The following NT5C3A variants were observed in gnomAD, a reference collection of about 807,000 sequenced individuals.
The protein encoded by NT5C3A is cytosolic 5'-nucleotidase 3A.
In NT5C3A, 23 loss-of-function variants were observed where a neutral mutation model predicts 40.0. The ratio of observed to expected loss-of-function variants is 0.58; its 90% confidence interval spans 0.41 to 0.81. The LOEUF is 0.81. Ranked by LOEUF, NT5C3A falls within the 40% of genes least tolerant of loss-of-function variation. The pLI is 0.00. For missense variants in NT5C3A, 328 were observed against 403.0 expected (o/e 0.81, Z 1.59); for synonymous variants, 130 against 141.4 (o/e 0.92, Z 0.57).
intron 1 of NT5C3A, among the ~76,000 whole-genome samples, chr7:33,052,634 A>T (rs897340817): frequency 1.3e-5 from 2 of 151,914 alleles, no homozygotes; most frequent in African/African-American, 4.8e-5. Flanking sequence ...CTATATCCTC[A>T]TCACTCTCTC....
chr7:33,019,930 C>T lies in NT5C3A; in HGVS notation c.441-206G>A, dbSNP rs1254442827. On this transcript the variant is annotated intron_variant, in intron 5 of 8. Coordinates refer to ENST00000610140, the MANE Select transcript of NT5C3A (RefSeq NM_001002010.5). ...TTCTTACTGAGTTTCCCAGTCCTCC[C>T]AAACCCAGACTTAGCTTAAATATGT... Among the ~76,000 whole-genome samples, 3 of 152,248 alleles carry T rather than the reference C, an allele frequency of 2.0e-5. No homozygotes were observed. The East Asian group carries it at 5.8e-4, about 29-fold the overall frequency.
Position 33,034,916 on chromosome 7 carries a change from T to A in NT5C3A, c.139-8001A>T, listed in dbSNP as rs79320487. Among the ~76,000 whole-genome samples the A allele has an allele frequency of 3.2e-3, 490 of 152,342 alleles. 1 individual carries two copies. Among genetic ancestry groups the A allele is most frequent in the African/African-American group, 0.011 (478 of 41,570 alleles). On this transcript the variant is annotated intron_variant, in intron 1 of 8. Transcript: ENST00000610140. ...TCTCTTTAAAAGAAAGGATTATTTTTAATTGTTGTTTTTAAGATTTTATCA... is the reference window on the plus strand; with the variant it reads ...TCTCTTTAAAAGAAAGGATTATTTTAAATTGTTGTTTTTAAGATTTTATCA...
intron 1 of NT5C3A, among the ~76,000 whole-genome samples, chr7:33,050,322 C>A (rs1403107330): frequency 6.6e-6 from 1 of 152,124 alleles, no homozygotes. Flanking sequence ...GTGAAGCCTC[C>A]TTTTTTCTTA....
intron 1 of NT5C3A, among the ~76,000 whole-genome samples, chr7:33,041,872 G>A (rs1405472307): frequency 2.6e-5 from 4 of 152,090 alleles, no homozygotes; most frequent in Admixed American, 6.6e-5. Context: ...TATCATTAGG[G>A]AACATGGCTA....
At chr7:33,032,832 C>A (rs1354056221) in intron 1 of NT5C3A, among the ~76,000 whole-genome samples, 1 of 152,014 alleles carries the variant, frequency 6.6e-6, no homozygotes, top group Non-Finnish European at 1.5e-5. Context: ...CAGCTCACTG[C>A]AGACTTGACC....
intron 1 of NT5C3A, among the ~76,000 whole-genome samples, chr7:33,033,299 G>A (rs1786384950): frequency 6.6e-6 from 1 of 152,104 alleles, no homozygotes; most frequent in Admixed American, 6.6e-5. Flanking sequence ...TATTCAAACT[G>A]GTACATTTAC....
At chr7:33,031,366 T>C (rs1343107767) in intron 1 of NT5C3A, among the ~76,000 whole-genome samples, 17 of 151,820 alleles carry the variant, frequency 1.1e-4, no homozygotes, top group Admixed American at 1.1e-3. Context: ...GGCAGGAGGA[T>C]CACTTGGGCT....
At chr7:33,026,120 G>A (rs908804287) in intron 2 of NT5C3A, among the ~76,000 whole-genome samples, 3 of 152,242 alleles carry the variant, frequency 2.0e-5, no homozygotes, top group African/African-American at 4.8e-5. Context: ...GGGAAGCAGA[G>A]GTTGCAGTGA....
intron 8 of NT5C3A, 87 bp from the exon 9 acceptor site, chr7:33,014,918 G>C (rs943856592): frequency 5.4e-6 from 6 of 1,109,156 alleles, no homozygotes; most frequent in Non-Finnish European, 8.0e-6. Context: ...AGATCTCTTG[G>C]GCAAAATGCA....
Position 33,021,369 on chromosome 7 carries a change from T to C in NT5C3A, c.355-12A>G, listed in dbSNP as rs371282529. 3.7e-6 allele frequency: 6 copies of C among 1,608,510 alleles called. No homozygotes were observed. Among genetic ancestry groups the C allele is most frequent in the East Asian group, 2.2e-5 (1 of 44,650 alleles). Reference sequence around the variant, plus strand: ...TTTAGTTGCAATAACTAGGAAGATATGAATAACTTAATCATGAAGATTACT... The same window carrying C: ...TTTAGTTGCAATAACTAGGAAGATACGAATAACTTAATCATGAAGATTACT... On this transcript the variant is annotated splice_polypyrimidine_tract_variant and intron_variant, in intron 4 of 8. Coordinates refer to ENST00000610140, the MANE Select transcript of NT5C3A (RefSeq NM_001002010.5).
At chr7:33,053,213 G>A (rs773451061) in intron 1 of NT5C3A, among the ~76,000 whole-genome samples, 3 of 152,130 alleles carry the variant, frequency 2.0e-5, no homozygotes, top group Non-Finnish European at 4.4e-5. Context: ...TCGAGACAGA[G>A]TCTTGCTCTG....
At chr7:33,060,275 T>C (rs1787724403) in intron 1 of NT5C3A, among the ~76,000 whole-genome samples, 1 of 152,142 alleles carries the variant, frequency 6.6e-6, no homozygotes, top group Non-Finnish European at 1.5e-5. Context: ...TGATGATCCT[T>C]TGTTGCAAAA....
intron 1 of NT5C3A, among the ~76,000 whole-genome samples, chr7:33,051,882 T>C (rs1787382196): frequency 6.6e-6 from 1 of 152,208 alleles, no homozygotes; most frequent in Non-Finnish European, 1.5e-5. Flanking sequence ...CCCAACACAC[T>C]TTAAAAAATC....
intron 6 of NT5C3A, among the ~76,000 whole-genome samples, chr7:33,019,370 T>G (rs1036951816): frequency 1.3e-5 from 2 of 152,206 alleles, no homozygotes; most frequent in Admixed American, 6.5e-5. Flanking sequence ...GTTCAAAAAT[T>G]TTAAGTCTTG....
chr7:33,052,132 G>A (rs1273797884), intron 1 of NT5C3A, among the ~76,000 whole-genome samples: 1 of 151,814 alleles, frequency 6.6e-6, no homozygotes, highest in Non-Finnish European at 1.5e-5. Flanking sequence ...TTTCTTTTGG[G>A]AGCACAACTG....
In NT5C3A at chr7:33,015,849, C is replaced by T. The variant is rs1785294663; in HGVS notation, c.715G>A (p.Gly239Arg). ...DETGVLKGFK[G>R]ELIHVFNKHD... ...TTGTTAAATACATGAATTAGTTCTC[C>T]TTTAAATCCTTTGAGCACCCCCTAT... Residue 239 changes from glycine (G) to arginine (R), a missense_variant, in exon 8 of 9, where the codon GGA becomes AGA. Coordinates refer to ENST00000610140, the MANE Select transcript of NT5C3A (RefSeq NM_001002010.5). 6.2e-7 allele frequency: 1 copy of T among 1,608,188 alleles called. No individual in the cohort carries two copies. The highest frequency in any genetic ancestry group is 1.7e-5 in the Admixed American group (1 of 59,998).
At chr7:33,020,699 C>T (rs560091605) in intron 5 of NT5C3A, among the ~76,000 whole-genome samples, 1 of 152,062 alleles carries the variant, frequency 6.6e-6, no homozygotes, top group South Asian at 2.1e-4. Context: ...TTGAAATGTT[C>T]GTCAAGTGGG....
chr7:33,032,442 A>AAT (rs70989924), intron 1 of NT5C3A, among the ~76,000 whole-genome samples: 2 of 148,644 alleles, frequency 1.3e-5, no homozygotes, highest in Non-Finnish European at 3.0e-5. Context: ...AAAAAAAAAA[A>AAT]TTTACTTTTA....
At chr7:33,015,919 T>C (rs1785299209) in intron 7 of NT5C3A, 49 bp from the exon 8 acceptor site, 2 of 1,274,462 alleles carry the variant, frequency 1.6e-6, no homozygotes, top group South Asian at 2.4e-5. Context: ...TTCTATTTGT[T>C]GGATTTTCAT....
Sources: allele counts gnomAD v4.1 joint callset (sites outside exome capture counted in the v4.1 genomes callset), GRCh38; gene constraint gnomAD v4.1.1; transcripts MANE v1.5; gene names NCBI Gene and HGNC (gene_info 2026-07-23, HGNC 2026-07-21).